Variants in NTM observed in about 807,000 individuals in gnomAD.
The protein encoded by NTM is neurotrimin, also known as IgLON family member 2.
NTM carries 13 observed loss-of-function variants against 42.1 expected under a neutral mutation model. The ratio of observed to expected loss-of-function variants is 0.31; its 90% CI spans 0.20 to 0.49. NTM has a LOEUF of 0.49. Ranked by LOEUF, NTM falls within the 20% of genes least tolerant of loss-of-function variation. The pLI is 0.99. For synonymous variants in NTM, 187 were observed against 179.2 expected, an observed-to-expected ratio of 1.04 and a Z score of -0.35; for missense variants, 373 against 452.8, an observed-to-expected ratio of 0.82 and a Z score of 1.60.
intron 1 of NTM, among the ~76,000 whole-genome samples, chr11:131,704,997 C>T (rs1360248079): frequency 1.3e-5 from 2 of 152,022 alleles, no homozygotes; most frequent in Admixed American, 6.6e-5. Context: ...ATCAAGGAAC[C>T]AATATACACA....
At chr11:131,816,520 A>G (rs2092956696) in intron 1 of NTM, among the ~76,000 whole-genome samples, 1 of 148,764 alleles carries the variant, frequency 6.7e-6, no homozygotes, top group African/African-American at 2.5e-5. Flanking sequence ...CTGGGTGGGG[A>G]AACAAGTTCA....
rs1048810114 is a variant in NTM at position 131,410,570 on chromosome 11, G to A, written c.82+39682G>A. Among the ~76,000 whole-genome samples the A allele has an allele frequency of 4.8e-5, 7 of 147,114 alleles. 1 individual carries two copies. The highest frequency in any genetic ancestry group is 1.0e-4 in the Non-Finnish European group (7 of 67,162). ...AGAGAAGGACAGAGGAAGTCATTTCGGTGGGCCATGTCTGTTGGATCTCTT... is the reference window on the plus strand; with the variant it reads ...AGAGAAGGACAGAGGAAGTCATTTCAGTGGGCCATGTCTGTTGGATCTCTT... On this transcript the variant is annotated intron_variant, in intron 1 of 8. Transcript: ENST00000683400.
At chr11:132,078,245 T>C (rs2058611076) in intron 2 of NTM, among the ~76,000 whole-genome samples, 1 of 152,356 alleles carries the variant, frequency 6.6e-6, no homozygotes, top group East Asian at 1.9e-4. Context: ...AAATGAGGAC[T>C]GCTTGGCCTG....
intron 3 of NTM, among the ~76,000 whole-genome samples, chr11:132,185,685 T>C (rs1018170833): frequency 6.6e-6 from 1 of 152,146 alleles, no homozygotes; most frequent in African/African-American, 2.4e-5. Flanking sequence ...TTCATAATAA[T>C]TTTAATATAA....
intron 3 of NTM, among the ~76,000 whole-genome samples, chr11:132,170,335 G>A (rs982759849): frequency 6.6e-6 from 1 of 152,092 alleles, no homozygotes; most frequent in Non-Finnish European, 1.5e-5. Context: ...CTCTACAATA[G>A]GTATACAGCT....
chr11:131,580,430 T>A (rs1474258468), intron 1 of NTM, among the ~76,000 whole-genome samples: 3 of 152,246 alleles, frequency 2.0e-5, no homozygotes, highest in Admixed American at 6.5e-5. Flanking sequence ...ACACCTGCCC[T>A]CTGAGGGCAG....
chr11:132,190,435 G>A, intron 3 of NTM, among the ~76,000 whole-genome samples: 1 of 152,106 alleles, frequency 6.6e-6, no homozygotes, highest in East Asian at 1.9e-4. Context: ...CTTAACCTTA[G>A]CATCTTTAAG....
rs1390003168 is a variant in NTM, at chr11:131,884,732, A to G, written c.83-26832A>G. ...CATTCGGGAAGAGGCTCGCCATCCT[A>G]TCTTGAGCTGGTGATTGACAAATCC... On this transcript the variant is annotated intron_variant, in intron 1 of 8. Transcript: ENST00000683400. 5.9e-5 allele frequency among the ~76,000 whole-genome samples: 9 copies of G among 152,326 alleles called. No individual in the cohort carries two copies. In the South Asian group the frequency reaches 1.5e-3, roughly 25 times the overall value.
chr11:131,539,719 T>G (rs2052892201), intron 1 of NTM: 1 of 152,446 alleles, frequency 6.6e-6, no homozygotes, highest in Non-Finnish European at 1.5e-5. Flanking sequence ...CCCTGTGGAA[T>G]GAATAGAGGT....
At chr11:132,039,325 T>G (rs1389719979) in intron 2 of NTM, among the ~76,000 whole-genome samples, 1 of 152,196 alleles carries the variant, frequency 6.6e-6, no homozygotes, top group Admixed American at 6.5e-5. Context: ...ACTCCCTGCT[T>G]GCTTGTAAGT....
intron 1 of NTM, among the ~76,000 whole-genome samples, chr11:131,568,639 C>A (rs934999680): frequency 6.6e-6 from 1 of 152,146 alleles, no homozygotes; most frequent in Admixed American, 6.5e-5. Context: ...TGAGACAATC[C>A]AACATGGTGG....
At chr11:131,696,958 CT>C (rs1220726278) in intron 1 of NTM, among the ~76,000 whole-genome samples, 22 of 152,194 alleles carry the variant, frequency 1.4e-4, no homozygotes, top group Non-Finnish European at 2.6e-4. Context: ...CACCTTGCCC[CT>C]GGCACTGAAG....
chr11:131,608,667 A>G (rs577575238), intron 1 of NTM, among the ~76,000 whole-genome samples: 2 of 149,770 alleles, frequency 1.3e-5, no homozygotes, highest in East Asian at 4.0e-4. Flanking sequence ...CAGCCTATCA[A>G]TTATTCCTCG....
At chr11:132,316,821 C>T (rs779220446) in intron 7 of NTM, among the ~76,000 whole-genome samples, 11 of 152,098 alleles carry the variant, frequency 7.2e-5, no homozygotes, top group Non-Finnish European at 8.8e-5. Flanking sequence ...TTGAGGCTCA[C>T]CATCAATGAG....
chr11:132,265,792 T>C (rs2093146861), intron 4 of NTM, among the ~76,000 whole-genome samples: 1 of 152,150 alleles, frequency 6.6e-6, no homozygotes, highest in Non-Finnish European at 1.5e-5. Context: ...AATAACAACC[T>C]GAATGAAGTA....
At chr11:131,570,668 C>T (rs1325213469) in intron 1 of NTM, among the ~76,000 whole-genome samples, 8 of 151,966 alleles carry the variant, frequency 5.3e-5, no homozygotes. Flanking sequence ...AATAAAAATA[C>T]AAATATTAGC....
intron 1 of NTM, among the ~76,000 whole-genome samples, chr11:131,629,909 G>A (rs2137759009): frequency 6.6e-6 from 1 of 152,228 alleles, no homozygotes; most frequent in East Asian, 1.9e-4. Context: ...AGGGAGTCAG[G>A]GCTGGTGTGC....
At chr11:131,416,636 G>A (rs193130584) in intron 1 of NTM, among the ~76,000 whole-genome samples, 1 of 152,180 alleles carries the variant, frequency 6.6e-6, no homozygotes, top group East Asian at 1.9e-4. Flanking sequence ...ATTGTGTGTG[G>A]GGACAGGGAT....
At chr11:131,668,179 C>T (rs1350119826) in intron 1 of NTM, among the ~76,000 whole-genome samples, 1 of 152,108 alleles carries the variant, frequency 6.6e-6, no homozygotes, top group Non-Finnish European at 1.5e-5. Context: ...TATTATATCA[C>T]CTTACGTTCT....
Sources: gnomAD v4.1 joint callset for allele counts (sites outside exome capture counted in the v4.1 genomes callset) on GRCh38, gnomAD v4.1.1 for gene constraint, MANE v1.5 for transcripts, NCBI Gene and HGNC (gene_info 2026-07-23, HGNC 2026-07-21) for gene names.